Variants in ATP13A1 observed in about 807,000 individuals in gnomAD.
The protein encoded by ATP13A1 is endoplasmic reticulum transmembrane helix translocase.
In ATP13A1, 55 loss-of-function variants were observed where a neutral mutation model predicts 134.8. That is an observed-to-expected ratio of 0.41 (90% CI 0.33 to 0.51). The LOEUF is 0.51. Ranked by LOEUF, ATP13A1 falls within the 20% of genes least tolerant of loss-of-function variation. ATP13A1 has a pLI of 0.29. For missense variants in ATP13A1, 1,389 were observed against 1,652.8 expected (o/e 0.84, Z 2.77); for synonymous variants, 775 against 725.1 (o/e 1.07, Z -1.10).
intron 16 of ATP13A1, 117 bp from the exon 17 acceptor site, chr19:19,651,914 A>G: frequency 1.3e-6 from 1 of 764,932 alleles, no homozygotes; most frequent in Non-Finnish European, 2.1e-6. Flanking sequence ...CTGGGCCTCT[A>G]ACCGAGATGC....
chr19:19,655,275 C>T lies in ATP13A1; in HGVS notation c.1535-36G>A. Reference sequence around the variant, plus strand: ...GAGTGAGGTCAGGGGTCCTGCTTGGCCCCAGCCCACTCGGCACCCCATCCC... The same window carrying T: ...GAGTGAGGTCAGGGGTCCTGCTTGGTCCCAGCCCACTCGGCACCCCATCCC... On this transcript the variant is annotated intron_variant, in intron 11 of 25. Transcript: ENST00000357324. This position sits in a 1 kb window ranked among gnomAD's most constrained non-coding sequence, Gnocchi z 5.7. 2 of 1,613,890 alleles carry T rather than the reference C, an allele frequency of 1.2e-6. No individual in the cohort carries two copies. Among genetic ancestry groups the T allele is most frequent in the South Asian group, 2.2e-5 (2 of 91,086 alleles).
chr19:19,645,805 G>A lies in ATP13A1; in HGVS notation c.3361-15C>T, dbSNP rs760470761. ...AAGGGCGGGCCCTGTGGGGATGAGG[G>A]ACAGATGGCTTCATGGGGTGGGGCT... On this transcript the variant is annotated splice_polypyrimidine_tract_variant and intron_variant, in intron 24 of 25. Transcript: ENST00000357324. The surrounding 1 kb of genome is among the most constrained non-coding windows in gnomAD (Gnocchi z 4.1). 6 of 1,016,026 alleles carry A rather than the reference G, an allele frequency of 5.9e-6. No individual in the cohort carries two copies. The highest frequency in any genetic ancestry group is 3.7e-5 in the South Asian group (3 of 80,180). The allele number at this position is 1,016,026 out of a possible 1,614,324, so 62.9% of individuals were successfully genotyped here.
intron 19 of ATP13A1, among the ~76,000 whole-genome samples, chr19:19,649,233 G>A (rs1045541896): frequency 6.6e-6 from 1 of 152,196 alleles, no homozygotes; most frequent in Non-Finnish European, 1.5e-5. Context: ...AAAGCACTGG[G>A]ATTCCAGGCA....
rs1156909577 is a variant in ATP13A1 at position 19,655,255 on chromosome 19, A to G, written c.1535-16T>C. The G allele has an allele frequency of 6.2e-7, 1 of 1,613,908 alleles. No individual in the cohort carries two copies. Among genetic ancestry groups the G allele is most frequent in the Non-Finnish European group, 8.5e-7 (1 of 1,179,862 alleles). On this transcript the variant is annotated splice_polypyrimidine_tract_variant and intron_variant, in intron 11 of 25. Coordinates refer to ENST00000357324, the MANE Select transcript of ATP13A1 (RefSeq NM_020410.3). This position sits in a 1 kb window ranked among gnomAD's most constrained non-coding sequence, Gnocchi z 5.7. ...CAGTACATGTCTAGGGGCGGGAGTG[A>G]GGTCAGGGGTCCTGCTTGGCCCCAG...
chr19:19,659,958 C>T lies in ATP13A1; in HGVS notation c.426G>A (p.Val142=). 1 of 1,581,532 alleles carries T rather than the reference C, an allele frequency of 6.3e-7. No individual in the cohort carries two copies. The highest frequency in any genetic ancestry group is 8.6e-7 in the Non-Finnish European group (1 of 1,165,166). Residue 142 remains valine, a synonymous_variant, in exon 2 of 26, where the codon GTG becomes GTA. Transcript: ENST00000357324. ...CATTGTTGGGGGTTGGCACCACCTTCACAAAGGTCGCTTTGCTGGGGTCGT... is the reference window on the plus strand; with the variant it reads ...CATTGTTGGGGGTTGGCACCACCTTTACAAAGGTCGCTTTGCTGGGGTCGT... ...PEYDPSKATF[V]KVVPTPNNGS...
chr19:19,663,182 T>G (rs2062105466), intron 1 of ATP13A1, 89 bp downstream of exon 1: 1 of 1,531,190 alleles, frequency 6.5e-7, no homozygotes, highest in Admixed American at 2.0e-5. Context: ...GTGGCCCAGG[T>G]CGCGATGGTG....
Sources: allele counts gnomAD v4.1 joint callset (sites outside exome capture counted in the v4.1 genomes callset), GRCh38; gene constraint gnomAD v4.1.1; non-coding constraint Gnocchi (gnomAD v3.1); transcripts MANE v1.5; gene names NCBI Gene and HGNC (gene_info 2026-07-23, HGNC 2026-07-21).